Variants in MKX observed in about 807,000 individuals in gnomAD.
The protein encoded by MKX is mohawk homeobox.
A neutral mutation model predicts 36.0 loss-of-function variants in MKX; 13 were observed. The observed-to-expected ratio is 0.36, with a 90% CI of 0.24 to 0.57. MKX has a LOEUF of 0.57. Among genes scored for constraint, MKX ranks in the 20% least tolerant of loss-of-function variants. MKX has a pLI of 0.79. For synonymous variants in MKX, 176 were observed against 178.3 expected (o/e 0.99, Z 0.10); for missense variants, 458 against 456.4 (o/e 1.00, Z -0.03).
chr10:27,743,091 G>A, intron 2 of MKX, 137 bp downstream of exon 2: 2 of 763,678 alleles, frequency 2.6e-6, no homozygotes, highest in East Asian at 3.4e-5. Context: ...AGCCCTGGAG[G>A]GGCAGACCTG....
In MKX at chr10:27,707,105, C is replaced by T. The variant is rs141637844; in HGVS notation, c.838+27351G>A. Among the ~76,000 whole-genome samples, 5 of 147,636 alleles carry T rather than the reference C, an allele frequency of 3.4e-5. 1 individual carries two copies. The East Asian group carries it at 1.2e-3, about 35-fold the overall frequency. ...ATTAATTTAATACTTTAGCATACAG[C>T]GTGTTATTAGGATGCTAAACTGTCA... On this transcript the variant is annotated intron_variant, in intron 5 of 6. Transcript: ENST00000419761.
At chr10:27,729,586 C>T (rs560806280) in intron 5 of MKX, among the ~76,000 whole-genome samples, 7 of 152,096 alleles carry the variant, frequency 4.6e-5, no homozygotes, top group Non-Finnish European at 7.4e-5. Flanking sequence ...GGATTACAGG[C>T]ATGAGCCACC....
At position 27,678,441 on chromosome 10, in the gene MKX, T is replaced by C. The variant is rs940469631; in HGVS notation, c.839-2887A>G. Among the ~76,000 whole-genome samples, 8 of 152,156 alleles carry C rather than the reference T, an allele frequency of 5.3e-5. No homozygotes were observed. In the East Asian group the frequency reaches 1.5e-3, roughly 29 times the overall value. On this transcript the variant is annotated intron_variant, in intron 5 of 6. Coordinates refer to ENST00000419761, the MANE Select transcript of MKX (RefSeq NM_173576.3). Reference sequence around the variant, plus strand: ...AATTTCCGTGAGGCTTAAATAACGTTAGGGAAATAACAAAACATAATTTAG... The same window carrying C: ...AATTTCCGTGAGGCTTAAATAACGTCAGGGAAATAACAAAACATAATTTAG...
At chr10:27,711,593 T>TC (rs1416054841) in intron 5 of MKX, among the ~76,000 whole-genome samples, 3 of 150,760 alleles carry the variant, frequency 2.0e-5, no homozygotes, top group African/African-American at 4.9e-5. Flanking sequence ...TCTTTTTTTT[T>TC]CTGGGTCTTG....
intron 3 of MKX, among the ~76,000 whole-genome samples, chr10:27,738,309 CT>C (rs1834822558): frequency 6.6e-6 from 1 of 152,030 alleles, no homozygotes; most frequent in African/African-American, 2.4e-5. Context: ...TTTGCATATA[CT>C]TGTTTTGCAT....
At chr10:27,689,907 G>A (rs1476111036) in intron 5 of MKX, among the ~76,000 whole-genome samples, 1 of 152,188 alleles carries the variant, frequency 6.6e-6, no homozygotes, top group Non-Finnish European at 1.5e-5. Context: ...ACACGTGGGT[G>A]AGTGGGGACA....
In MKX at chr10:27,742,303, G is replaced by C. The variant is rs1036260085; in HGVS notation, c.189-799C>G. On this transcript the variant is annotated intron_variant, in intron 2 of 6. Coordinates refer to ENST00000419761, the MANE Select transcript of MKX (RefSeq NM_173576.3). The surrounding 1 kb of genome is among the most constrained non-coding windows in gnomAD (Gnocchi z 4.2). ...CACGGGTCCGGGAGGTGTCGCGCGC[G>C]GCCGCCAGCGAGCCCAGCCGCTCCC... Among the ~76,000 whole-genome samples the C allele has an allele frequency of 6.6e-5, 10 of 152,172 alleles. No individual in the cohort carries two copies. The highest frequency in any genetic ancestry group is 1.3e-4 in the Non-Finnish European group (9 of 68,026).
intron 5 of MKX, among the ~76,000 whole-genome samples, chr10:27,692,684 G>A (rs978030856): frequency 6.6e-6 from 1 of 152,152 alleles, no homozygotes; most frequent in Non-Finnish European, 1.5e-5. Context: ...TCTTTCTAGG[G>A]TAGGATAATA....
intron 5 of MKX, among the ~76,000 whole-genome samples, chr10:27,733,080 A>G (rs946536199): frequency 3.3e-5 from 5 of 151,846 alleles, no homozygotes; most frequent in African/African-American, 9.7e-5. Context: ...ATTTTCTTTT[A>G]TTTTTTCTTC....
At chr10:27,730,224 T>C (rs1334955675) in intron 5 of MKX, among the ~76,000 whole-genome samples, 1 of 152,212 alleles carries the variant, frequency 6.6e-6, no homozygotes, top group Non-Finnish European at 1.5e-5. Flanking sequence ...AACCCATTTG[T>C]AGTGAGAGCC....
chr10:27,676,575 A>G (rs1836156054), intron 5 of MKX, among the ~76,000 whole-genome samples: 2 of 151,830 alleles, frequency 1.3e-5, no homozygotes, highest in Non-Finnish European at 2.9e-5. Context: ...ACAGGGTTTC[A>G]CCATGTTGAT....
intron 5 of MKX, among the ~76,000 whole-genome samples, chr10:27,711,502 C>CTTT (rs1325299205): frequency 3.8e-5 from 2 of 52,476 alleles, no homozygotes; most frequent in African/African-American, 1.9e-4. Context: ...TCTCTTCTTT[C>CTTT]CTTCCTTCCT....
chr10:27,675,165 T>C lies in MKX; in HGVS notation c.*64A>G, dbSNP rs1394433691. ...GTCATTTTCATCCCTGCTTCGGCTC[T>C]TAGGATGAGGGTTGATGAAAACACC... On this transcript the variant is annotated 3_prime_UTR_variant, in exon 7 of 7. Transcript: ENST00000419761. The C allele has an allele frequency of 2.0e-6, 3 of 1,501,432 alleles. No homozygotes were observed. Among genetic ancestry groups the C allele is most frequent in the Admixed American group, 2.0e-5 (1 of 50,162 alleles). 93.0% of individuals were successfully genotyped at this position (1,501,432 alleles called of 1,614,324 possible).
intron 5 of MKX, among the ~76,000 whole-genome samples, chr10:27,721,456 T>C (rs1283589750): frequency 2.6e-5 from 4 of 152,154 alleles, no homozygotes; most frequent in Non-Finnish European, 4.4e-5. Context: ...TAAAAAGAAA[T>C]GCGATAATGT....
At chr10:27,699,895 T>C (rs957237726) in intron 5 of MKX, among the ~76,000 whole-genome samples, 8 of 152,254 alleles carry the variant, frequency 5.3e-5, no homozygotes, top group Non-Finnish European at 1.2e-4. Flanking sequence ...CATATGCTAT[T>C]GGCAAAGCTC....
At chr10:27,712,738 C>T (rs1375249883) in intron 5 of MKX, among the ~76,000 whole-genome samples, 1 of 152,066 alleles carries the variant, frequency 6.6e-6, no homozygotes, top group African/African-American at 2.4e-5. Context: ...TTCTTGAGGC[C>T]AGGAGTTTGA....
chr10:27,682,747 G>T (rs1169177654), intron 5 of MKX, among the ~76,000 whole-genome samples: 1 of 152,004 alleles, frequency 6.6e-6, no homozygotes. Flanking sequence ...TTGGGAGGCC[G>T]AGGCGGGTGG....
intron 5 of MKX, among the ~76,000 whole-genome samples, chr10:27,716,815 G>A (rs895742818): frequency 1.3e-5 from 2 of 152,130 alleles, no homozygotes; most frequent in African/African-American, 4.8e-5. Context: ...TTGCCCTCAT[G>A]ACTTTTCAAC....
chr10:27,681,058 A>C (rs768821328), intron 5 of MKX, among the ~76,000 whole-genome samples: 1 of 152,208 alleles, frequency 6.6e-6, no homozygotes, highest in Non-Finnish European at 1.5e-5. Context: ...GGCCCATAAG[A>C]TTATAATGGA....
Sources: allele counts gnomAD v4.1 joint callset (sites outside exome capture counted in the v4.1 genomes callset), GRCh38; gene constraint gnomAD v4.1.1; non-coding constraint Gnocchi (gnomAD v3.1); transcripts MANE v1.5; gene names NCBI Gene and HGNC (gene_info 2026-07-23, HGNC 2026-07-21).